The following ZBTB38 variants were observed in gnomAD, a reference collection of about 807,000 sequenced individuals.
ZBTB38 encodes the protein zinc finger and BTB domain-containing protein 38.
ZBTB38 carries 20 observed loss-of-function variants against 76.8 expected under a neutral mutation model. That is an observed-to-expected ratio of 0.26 (90% CI 0.18 to 0.38). The LOEUF (loss-of-function observed/expected upper bound fraction) is 0.38. Among genes scored for constraint, ZBTB38 ranks in the 10% least tolerant of loss-of-function variants. The pLI is 1.00. For missense variants in ZBTB38, 1,082 were observed against 1,482.3 expected (o/e 0.73, Z 4.43); for synonymous variants, 504 against 544.2 (o/e 0.93, Z 1.03).
chr3:141,379,598 T>A (rs1945907213), intron 2 of ZBTB38, among the ~76,000 whole-genome samples: 1 of 152,208 alleles, frequency 6.6e-6, no homozygotes, highest in African/African-American at 2.4e-5. Flanking sequence ...GGTGACAATT[T>A]TAATCGCTGA....
chr3:141,327,364 A>T (rs1271712989), intron 1 of ZBTB38, among the ~76,000 whole-genome samples: 1 of 152,220 alleles, frequency 6.6e-6, no homozygotes, highest in African/African-American at 2.4e-5. Flanking sequence ...GATGATGTTG[A>T]TGGTCTGTAC....
At chr3:141,407,213 A>G (rs948740965) in intron 5 of ZBTB38, among the ~76,000 whole-genome samples, 8 of 152,350 alleles carry the variant, frequency 5.3e-5, no homozygotes, top group Middle Eastern at 3.4e-3. Flanking sequence ...CTATTGTATG[A>G]CATGTGCGTG....
At chr3:141,407,851 T>A (rs1430311614) in intron 5 of ZBTB38, among the ~76,000 whole-genome samples, 1 of 152,262 alleles carries the variant, frequency 6.6e-6, no homozygotes, top group Non-Finnish European at 1.5e-5. Context: ...ATCATTAATG[T>A]TAATGGATTA....
At chr3:141,415,339 G>A (rs551005949) in intron 5 of ZBTB38, among the ~76,000 whole-genome samples, 1 of 152,272 alleles carries the variant, frequency 6.6e-6, no homozygotes, top group South Asian at 2.1e-4. Context: ...GACTCTAGGG[G>A]GGCCAGGGTG....
rs186747282 is a variant in ZBTB38 at position 141,422,409 on chromosome 3, C to T, written c.-1+18378C>T. ...ACCTTACTGCGTTTAAAAGGCCCCTCGCCACCAAGGCAAGGATGGACCAGG... is the reference window on the plus strand; with the variant it reads ...ACCTTACTGCGTTTAAAAGGCCCCTTGCCACCAAGGCAAGGATGGACCAGG... On this transcript the variant is annotated intron_variant, in intron 5 of 5. Transcript: ENST00000321464. Among the ~76,000 whole-genome samples the T allele has an allele frequency of 3.7e-3, 566 of 152,322 alleles. 3 individuals are homozygous for T. Among genetic ancestry groups the T allele is most frequent in the Non-Finnish European group, 5.1e-3 (350 of 68,028 alleles).
chr3:141,350,435 T>G (rs1279000471), intron 1 of ZBTB38, among the ~76,000 whole-genome samples: 2 of 152,248 alleles, frequency 1.3e-5, no homozygotes, highest in Non-Finnish European at 2.9e-5. Flanking sequence ...CATCATTTTA[T>G]CCCTCAAGTT....
chr3:141,402,767 G>C (rs1336352607), intron 4 of ZBTB38: 2 of 152,256 alleles, frequency 1.3e-5, no homozygotes, highest in African/African-American at 4.8e-5. Flanking sequence ...GGCTGTGCTA[G>C]AGGGCGGGGG....
In ZBTB38 at chr3:141,353,613, T is replaced by C. The variant is rs187529226; in HGVS notation, c.-738-15008T>C. ...GAGAGAACAATGGCTCCACTATCAT[T>C]TGTATGTATGTATGTTTCTCCCATG... is the stretch of plus-strand genomic sequence containing the variant. On this transcript the variant is annotated intron_variant, in intron 1 of 7. Coordinates refer to the ZBTB38 transcript ENST00000509842. Among the ~76,000 whole-genome samples, 118 of 152,206 alleles carry C rather than the reference T, an allele frequency of 7.8e-4. 1 individual carries two copies. Among genetic ancestry groups the C allele is most frequent in the African/African-American group, 2.6e-3 (110 of 41,526 alleles).
chr3:141,324,818 G>A (rs927379682), intron 1 of ZBTB38, among the ~76,000 whole-genome samples: 2 of 152,130 alleles, frequency 1.3e-5, no homozygotes, highest in Admixed American at 1.3e-4. Context: ...AAGTAATTGG[G>A]TATATTATCC....
At chr3:141,335,570 G>A (rs112388153) in intron 1 of ZBTB38, among the ~76,000 whole-genome samples, 183 of 152,352 alleles carry the variant, frequency 1.2e-3, no homozygotes, top group African/African-American at 3.0e-3. Context: ...CAGGCAGCAT[G>A]ATGCCCTGGG....
At chr3:141,377,449 T>G (rs1054596668) in intron 2 of ZBTB38, among the ~76,000 whole-genome samples, 1 of 152,188 alleles carries the variant, frequency 6.6e-6, no homozygotes, top group Admixed American at 6.5e-5. Context: ...ATACTGAGGT[T>G]ACCAAATGCT....
At chr3:141,395,632 T>C (rs1950188017) in intron 4 of ZBTB38, among the ~76,000 whole-genome samples, 1 of 152,200 alleles carries the variant, frequency 6.6e-6, no homozygotes, top group South Asian at 2.1e-4. Flanking sequence ...TGATATACTA[T>C]CATTCACAGA....
chr3:141,420,977 T>C (rs79217331), intron 5 of ZBTB38, among the ~76,000 whole-genome samples: 8,885 of 137,928 alleles, frequency 0.064, 322 homozygotes, highest in East Asian at 0.19. Context: ...TTGGAAGCCA[T>C]AGGAGAGGAA....
chr3:141,393,977 A>G (rs1274283944), intron 4 of ZBTB38, among the ~76,000 whole-genome samples: 1 of 151,488 alleles, frequency 6.6e-6, no homozygotes, highest in East Asian at 1.9e-4. Context: ...GAGTCATAAG[A>G]ACTTTCCATT....
chr3:141,396,826 C>T lies in ZBTB38; in HGVS notation c.-105-7101C>T, dbSNP rs555896045. Among the ~76,000 whole-genome samples, 7 of 152,308 alleles carry T rather than the reference C, an allele frequency of 4.6e-5. No homozygotes were observed. In the East Asian group the frequency reaches 1.3e-3, roughly 29 times the overall value. On this transcript the variant is annotated intron_variant, in intron 4 of 5. Coordinates refer to ENST00000321464, the MANE Select transcript of ZBTB38 (RefSeq NM_001376113.1). ...TAATATTTTGAAAGAAATCTTTTCT[C>T]TGAGCAGTAGGTCTCAACAGTGGGC...
intron 4 of ZBTB38, among the ~76,000 whole-genome samples, chr3:141,398,612 T>C (rs1950924273): frequency 1.3e-5 from 2 of 152,218 alleles, no homozygotes; most frequent in Admixed American, 6.5e-5. Context: ...TATCAGCTGC[T>C]AGGCAATCTT....
rs540050716 is a variant in ZBTB38, at chr3:141,378,165, C to A, written c.-234-3260C>A. ...TGCACCCCCAGCCTGGGTGACAGAG[C>A]GAGACCCTGTCTCAACAAGCAAAAA... On this transcript the variant is annotated intron_variant, in intron 2 of 5. Coordinates refer to ENST00000321464, the MANE Select transcript of ZBTB38 (RefSeq NM_001376113.1). Among the ~76,000 whole-genome samples, 6 of 144,118 alleles carry A rather than the reference C, an allele frequency of 4.2e-5. No homozygotes were observed. In the South Asian group the frequency reaches 1.1e-3, roughly 26 times the overall value. 94.5% of individuals were successfully genotyped at this position (144,118 alleles called of 152,430 possible).
intron 2 of ZBTB38, among the ~76,000 whole-genome samples, chr3:141,371,341 G>A (rs1944580905): frequency 1.3e-5 from 2 of 151,626 alleles, no homozygotes; most frequent in South Asian, 4.2e-4. Flanking sequence ...ATGAGCCATA[G>A]CGCCCAGCCG....
intron 3 of ZBTB38, among the ~76,000 whole-genome samples, chr3:141,382,160 C>T (rs186196773): frequency 2.5e-4 from 38 of 152,200 alleles, no homozygotes; most frequent in African/African-American, 4.1e-4. Flanking sequence ...GAGGCTGAGG[C>T]GGGAGAATCG....
Sources: gnomAD v4.1 joint callset for allele counts (sites outside exome capture counted in the v4.1 genomes callset) on GRCh38, gnomAD v4.1.1 for gene constraint, MANE v1.5 for transcripts, NCBI Gene and HGNC (gene_info 2026-07-23, HGNC 2026-07-21) for gene names.